SPPL2A: variants seen among roughly 807,000 people sequenced by gnomAD.
SPPL2A encodes signal peptide peptidase-like 2A.
A neutral mutation model predicts 63.8 loss-of-function variants in SPPL2A; 51 were observed. The observed-to-expected ratio is 0.80, with a 90% CI of 0.64 to 1.01. SPPL2A has a LOEUF of 1.01. Ranked by LOEUF, SPPL2A falls within the 50% of genes least tolerant of loss-of-function variation. SPPL2A has a pLI of 0.00. For synonymous variants in SPPL2A, 188 were observed against 205.8 expected (o/e 0.91, Z 0.74); for missense variants, 553 against 622.7 (o/e 0.89, Z 1.19).
intron 14 of SPPL2A, among the ~76,000 whole-genome samples, chr15:50,716,903 C>T (rs2062603106): frequency 6.6e-6 from 1 of 152,156 alleles, no homozygotes. Flanking sequence ...ATTCAACTGC[C>T]TATTATTTCT....
intron 1 of SPPL2A, among the ~76,000 whole-genome samples, chr15:50,762,876 G>A (rs2063024663): frequency 6.6e-6 from 1 of 151,520 alleles, no homozygotes; most frequent in Non-Finnish European, 1.5e-5. Context: ...GGGATAACAG[G>A]CACGCACCAC....
Position 50,739,752 on chromosome 15 carries a change from G to A in SPPL2A, c.661C>T (p.Leu221Phe). 1 of 1,600,900 alleles carries A rather than the reference G, an allele frequency of 6.2e-7. No homozygotes were observed. Among genetic ancestry groups the A allele is most frequent in the Non-Finnish European group, 8.5e-7 (1 of 1,173,512 alleles). ...KKEEYLTFSP[L>F]TVVIFVVICC... ...ATGACCACAAATATTACAACTGTAA[G>A]AGGACTAAAAGTTAAATATTCTTCC... Residue 221 changes from leucine to phenylalanine, a missense_variant, in exon 6 of 15, where the codon CTT (leucine) becomes TTT (phenylalanine). Leu to Phe is a conservative substitution (Grantham distance 22). Coordinates refer to ENST00000261854, the MANE Select transcript of SPPL2A (RefSeq NM_032802.4).
chr15:50,760,642 G>C (rs1353047810), intron 1 of SPPL2A, among the ~76,000 whole-genome samples: 1 of 152,008 alleles, frequency 6.6e-6, no homozygotes, highest in East Asian at 1.9e-4. Flanking sequence ...ATTTCCTGAA[G>C]GACCCATCTC....
At chr15:50,722,527 G>T (rs887159634) in intron 12 of SPPL2A, among the ~76,000 whole-genome samples, 3 of 152,128 alleles carry the variant, frequency 2.0e-5, no homozygotes, top group Non-Finnish European at 4.4e-5. Flanking sequence ...CGCGATCTCG[G>T]TTCACTGCAA....
chr15:50,748,491 G>T (rs1208637599), intron 3 of SPPL2A, among the ~76,000 whole-genome samples, 197 bp downstream of exon 3: 1 of 151,330 alleles, frequency 6.6e-6, no homozygotes, highest in African/African-American at 2.4e-5. Context: ...ACAAAGTCTT[G>T]TCTGCTCTAG....
At chr15:50,761,446 G>T (rs987550220) in intron 1 of SPPL2A, among the ~76,000 whole-genome samples, 1 of 150,660 alleles carries the variant, frequency 6.6e-6, no homozygotes, top group Non-Finnish European at 1.5e-5. Context: ...AGAAACCCCC[G>T]TCTCTACTAA....
At chr15:50,714,252 T>A (rs1446891605) in intron 14 of SPPL2A, among the ~76,000 whole-genome samples, 1 of 152,242 alleles carries the variant, frequency 6.6e-6, no homozygotes, top group Non-Finnish European at 1.5e-5. Context: ...AAGCTCCTGA[T>A]GTCTGCCCTC....
intron 1 of SPPL2A, among the ~76,000 whole-genome samples, chr15:50,753,689 T>C (rs142712466): frequency 1.6e-3 from 241 of 152,336 alleles, no homozygotes; most frequent in Non-Finnish European, 3.1e-3. Context: ...ACTTATGCAA[T>C]GTAAAAGAAA....
chr15:50,759,568 C>G (rs1420867997), intron 1 of SPPL2A, among the ~76,000 whole-genome samples: 1 of 151,974 alleles, frequency 6.6e-6, no homozygotes. Context: ...ACGGTGAAAC[C>G]CCGTCTCTAC....
At chr15:50,755,489 C>T (rs534038794) in intron 1 of SPPL2A, among the ~76,000 whole-genome samples, 51 of 151,506 alleles carry the variant, frequency 3.4e-4, no homozygotes, top group Admixed American at 5.3e-4. Context: ...GGTGTACAGG[C>T]GTGTACCTAT....
intron 14 of SPPL2A, among the ~76,000 whole-genome samples, chr15:50,713,613 A>T (rs1464084989): frequency 6.6e-6 from 1 of 151,998 alleles, no homozygotes; most frequent in African/African-American, 2.4e-5. Context: ...CTAAAATTTG[A>T]GCAAATGTCC....
intron 3 of SPPL2A, 56 bp downstream of exon 3, chr15:50,748,632 T>C: frequency 8.2e-7 from 1 of 1,216,308 alleles, no homozygotes; most frequent in Non-Finnish European, 1.1e-6. Flanking sequence ...AATTCCATTT[T>C]TGTGAAATTT....
At chr15:50,727,868 C>T (rs1224248434) in intron 10 of SPPL2A, among the ~76,000 whole-genome samples, 1 of 152,186 alleles carries the variant, frequency 6.6e-6, no homozygotes, top group Non-Finnish European at 1.5e-5. Context: ...AAATCTACAG[C>T]AGTGAACTCC....
rs557846627 is a variant in SPPL2A at position 50,722,834 on chromosome 15, G to T, written c.1250-633C>A. Among the ~76,000 whole-genome samples, 13 of 152,238 alleles carry T rather than the reference G, an allele frequency of 8.5e-5. No homozygotes were observed. In the East Asian group the frequency reaches 2.5e-3, roughly 29 times the overall value. ...GTTTACATCAAACTAAAAAGCTTCT[G>T]CACAGCCAAGGAAACAGTCAACAAA... On this transcript the variant is annotated intron_variant, in intron 12 of 14. Coordinates refer to ENST00000261854, the MANE Select transcript of SPPL2A (RefSeq NM_032802.4).
intron 14 of SPPL2A, among the ~76,000 whole-genome samples, chr15:50,708,927 A>C (rs7175955): frequency 0.4 from 60,898 of 150,970 alleles, 12,790 homozygotes; most frequent in East Asian, 0.56. Context: ...GTCCCAGCTA[A>C]TTGGGAGGTT....
At chr15:50,716,995 C>G (rs2062603792) in intron 14 of SPPL2A, among the ~76,000 whole-genome samples, 1 of 152,090 alleles carries the variant, frequency 6.6e-6, no homozygotes, top group African/African-American at 2.4e-5. Context: ...GTTGCCTTTC[C>G]TTCATCACCA....
intron 13 of SPPL2A, among the ~76,000 whole-genome samples, chr15:50,721,771 A>AT (rs1302884163): frequency 3.3e-5 from 5 of 151,548 alleles, no homozygotes; most frequent in South Asian, 2.1e-4. Flanking sequence ...CGCCCAGCTA[A>AT]TTTTTTTTGT....
intron 14 of SPPL2A, among the ~76,000 whole-genome samples, chr15:50,715,809 T>C (rs1596376430): frequency 1.3e-5 from 2 of 152,264 alleles, no homozygotes; most frequent in Middle Eastern, 3.4e-3. Context: ...GACATTAAAA[T>C]AGAACAAAGA....
chr15:50,756,356 C>CAA (rs34922256), intron 1 of SPPL2A, among the ~76,000 whole-genome samples: 86 of 63,174 alleles, frequency 1.4e-3, no homozygotes, highest in Admixed American at 1.7e-3. Context: ...GACTCCGTCT[C>CAA]AAAAAAAAAA....
Sources: allele counts gnomAD v4.1 joint callset (sites outside exome capture counted in the v4.1 genomes callset), GRCh38; gene constraint gnomAD v4.1.1; transcripts MANE v1.5; gene names NCBI Gene and HGNC (gene_info 2026-07-23, HGNC 2026-07-21).